The following ZNF577 variants were observed in gnomAD, a reference collection of about 807,000 sequenced individuals.
ZNF577 encodes zinc finger protein 577.
In ZNF577, 14 loss-of-function variants were observed where a neutral mutation model predicts 13.9. The ratio of observed to expected loss-of-function variants is 1.00; its 90% CI spans 0.66 to 1.57. ZNF577 has a LOEUF of 1.57. ZNF577 is among the 40% of genes most tolerant of loss of function. The pLI is 0.00. For synonymous variants in ZNF577, 203 were observed against 202.9 expected (o/e 1.00, Z 0.00); for missense variants, 555 against 579.2 (o/e 0.96, Z 0.43).
intron 5 of ZNF577, among the ~76,000 whole-genome samples, chr19:51,852,933 C>CTTTTTT (rs112665914): frequency 2.8e-5 from 4 of 144,044 alleles, no homozygotes; most frequent in South Asian, 4.3e-4. Context: ...GTTTTCTTTT[C>CTTTTTT]TTTTTTTTTT....
chr19:51,877,555 C>G, intron 4 of ZNF577, 178 bp from the exon 5 acceptor site: 1 of 507,014 alleles, frequency 2.0e-6, no homozygotes, highest in Non-Finnish European at 3.5e-6. Context: ...GCGTGACACA[C>G]CCATACCCAT....
At chr19:51,831,875 T>C (rs1291833951) in intron 9 of ZNF577, among the ~76,000 whole-genome samples, 1 of 152,250 alleles carries the variant, frequency 6.6e-6, no homozygotes, top group Non-Finnish European at 1.5e-5. Flanking sequence ...GTACTAACTG[T>C]TGTCCTGCTT....
chr19:51,880,953 T>G (rs2084852876), intron 1 of ZNF577, 76 bp from the exon 2 acceptor site: 1 of 153,278 alleles, frequency 6.5e-6, no homozygotes, highest in African/African-American at 2.4e-5. Context: ...CCATCTGGAC[T>G]CACATTAACA....
At chr19:51,835,006 C>T (rs1205922112) in intron 9 of ZNF577, among the ~76,000 whole-genome samples, 1 of 151,844 alleles carries the variant, frequency 6.6e-6, no homozygotes, top group African/African-American at 2.4e-5. Context: ...ACTCAATGAT[C>T]TAAGTTTACA....
chr19:51,875,135 G>A (rs528443143), intron 5 of ZNF577, among the ~76,000 whole-genome samples: 234 of 152,100 alleles, frequency 1.5e-3, no homozygotes, highest in African/African-American at 4.8e-3. Flanking sequence ...TTGGGAGGTC[G>A]AGGTGGATGG....
chr19:51,873,436 G>A lies in ZNF577; in HGVS notation c.554C>T (p.Pro185Leu), dbSNP rs766279073. Residue 185 changes from proline to leucine, a missense_variant, in exon 6 of 6, where the codon CCC becomes CTC. Physicochemically the swap from Pro to Leu is moderately conservative, Grantham distance 98. Transcript: ENST00000638348. Reference sequence around the variant, plus strand: ...TTTCCCACATTCACCACATCCATGGGGTTTCTCTCCTCTTTCAGTTCTCTG... The same window carrying A: ...TTTCCCACATTCACCACATCCATGGAGTTTCTCTCCTCTTTCAGTTCTCTG... ...QHQRTERGEKPHGCGECGKTF... is the reference protein window; with the variant it reads ...QHQRTERGEKLHGCGECGKTF... The A allele has an allele frequency of 6.2e-5, 100 of 1,613,976 alleles. 3 individuals are homozygous for A. The South Asian group carries it at 9.2e-4, about 15-fold the overall frequency.
chr19:51,884,736 C>A (rs2084916130), intron 1 of ZNF577, among the ~76,000 whole-genome samples: 1 of 151,906 alleles, frequency 6.6e-6, no homozygotes, highest in Non-Finnish European at 1.5e-5. Context: ...TATAAATTTC[C>A]TCCACTGACT....
intron 9 of ZNF577, among the ~76,000 whole-genome samples, chr19:51,814,292 T>G (rs1195924786): frequency 6.6e-6 from 1 of 152,196 alleles, no homozygotes; most frequent in Non-Finnish European, 1.5e-5. Context: ...GATTTAGACC[T>G]TTAACTCTTC....
intron 9 of ZNF577, among the ~76,000 whole-genome samples, chr19:51,821,075 T>C (rs1046196954): frequency 1.3e-5 from 2 of 152,186 alleles, no homozygotes; most frequent in Non-Finnish European, 2.9e-5. Context: ...CACAGCCTGG[T>C]GAGGACCAGA....
At chr19:51,820,786 G>A (rs1313623164) in intron 9 of ZNF577, among the ~76,000 whole-genome samples, 1 of 152,152 alleles carries the variant, frequency 6.6e-6, no homozygotes, top group African/African-American at 2.4e-5. Flanking sequence ...AATAATTAAT[G>A]TAACCAATAT....
chr19:51,828,589 T>C (rs1210484872), intron 9 of ZNF577, among the ~76,000 whole-genome samples: 2 of 152,080 alleles, frequency 1.3e-5, no homozygotes, highest in African/African-American at 2.4e-5. Context: ...GGAGTTTTCA[T>C]TGTGGAGTCT....
chr19:51,810,311 T>C (rs2084087620), intron 10 of ZNF577, among the ~76,000 whole-genome samples: 1 of 152,200 alleles, frequency 6.6e-6, no homozygotes, highest in Non-Finnish European at 1.5e-5. Flanking sequence ...CGCGTTTGCA[T>C]CCTCAAAAGC....
chr19:51,886,238 G>A (rs932539810), intron 1 of ZNF577: 2 of 151,836 alleles, frequency 1.3e-5, no homozygotes, highest in African/African-American at 2.4e-5. Context: ...TCTTATAAAT[G>A]TATAGGCAAA....
intron 9 of ZNF577, among the ~76,000 whole-genome samples, chr19:51,831,425 C>A (rs934872707): frequency 2.0e-5 from 3 of 152,150 alleles, no homozygotes; most frequent in Non-Finnish European, 2.9e-5. Flanking sequence ...CCTATTGATT[C>A]TTTTAATCTA....
rs1233012217 is a variant in ZNF577, at chr19:51,867,137, G to A, written c.*5395C>T. On this transcript the variant is annotated 3_prime_UTR_variant, in exon 6 of 6. Coordinates refer to ENST00000638348, the MANE Select transcript of ZNF577 (RefSeq NM_001370449.1). ...ACATTTCCTCATTCCACCTTTACCT[G>A]AATCTTGATTTTATGGTTTCTGTTT... 1.3e-5 allele frequency among the ~76,000 whole-genome samples: 2 copies of A among 152,158 alleles called. No homozygotes were observed. The highest frequency in any genetic ancestry group is 3.9e-4 in the East Asian group (2 of 5,192).
At position 51,824,716 on chromosome 19, in the gene ZNF577, G is replaced by A. The variant is rs772839034; in HGVS notation, c.*600-13042C>T. The A allele has an allele frequency of 3.0e-5, 48 of 1,613,944 alleles. 1 individual carries two copies. The Middle Eastern group carries it at 6.6e-4, about 22-fold the overall frequency. On this transcript the variant is annotated intron_variant and NMD_transcript_variant, in intron 9 of 10. Coordinates refer to the ZNF577 transcript ENST00000638827. The surrounding 1 kb of genome is among the most constrained non-coding windows in gnomAD (Gnocchi z 4.7). ...CGCTCTTTGCCCACTAGTTTGGAGA[G>A]GGCCCTGACTGAGGTCCCTGACTCA... is the stretch of plus-strand genomic sequence containing the variant.
intron 2 of ZNF577, 31 bp downstream of exon 2, chr19:51,880,648 C>CA (rs1377446567): frequency 4.1e-5 from 20 of 487,576 alleles, no homozygotes; most frequent in Non-Finnish European, 6.2e-5. Context: ...CATTGGGAAA[C>CA]AAACGACAAA....
chr19:51,881,819 C>T (rs150076684), intron 1 of ZNF577, among the ~76,000 whole-genome samples: 2 of 152,270 alleles, frequency 1.3e-5, no homozygotes, highest in African/African-American at 4.8e-5. Context: ...ATCTTTGCCC[C>T]AGAAGCAGCA....
chr19:51,861,456 C>T lies in ZNF577; in HGVS notation c.283+15826G>A, dbSNP rs887175608. 4.6e-5 allele frequency: 7 copies of T among 152,624 alleles called. No homozygotes were observed. The South Asian group carries it at 1.2e-3, about 27-fold the overall frequency. 9.5% of individuals were successfully genotyped at this position (152,624 alleles called of 1,614,324 possible). On this transcript the variant is annotated intron_variant and NMD_transcript_variant, in intron 5 of 10. Coordinates refer to the ZNF577 transcript ENST00000638827. ...AATGATTCTTCTTGTGAGATCTCTACGGTAAACGAGGGATATCTTCAAAAA... is the reference window on the plus strand; with the variant it reads ...AATGATTCTTCTTGTGAGATCTCTATGGTAAACGAGGGATATCTTCAAAAA...
Sources: allele counts gnomAD v4.1 joint callset (sites outside exome capture counted in the v4.1 genomes callset), GRCh38; gene constraint gnomAD v4.1.1; non-coding constraint Gnocchi (gnomAD v3.1); transcripts MANE v1.5; gene names NCBI Gene and HGNC (gene_info 2026-07-23, HGNC 2026-07-21).